The following CHST15 variants were observed in gnomAD, a reference collection of about 807,000 sequenced individuals.
CHST15 encodes the protein carbohydrate sulfotransferase 15.
A neutral mutation model predicts 53.6 loss-of-function variants in CHST15; 30 were observed. That is an observed-to-expected ratio of 0.56 (90% CI 0.42 to 0.76). The LOEUF (loss-of-function observed/expected upper bound fraction) is 0.76, where lower values mean the gene tolerates loss of function less well. CHST15 is among the 30% of genes least tolerant of loss of function. The probability of loss-of-function intolerance (pLI) is 0.00; values close to 1 mark genes in which losing one functional copy is unlikely to be tolerated. For missense variants in CHST15, 627 were observed against 740.5 expected, an observed-to-expected ratio of 0.85 and a Z score of 1.78; for synonymous variants, 296 against 289.8, an observed-to-expected ratio of 1.02 and a Z score of -0.22.
At chr10:124,023,617 T>C (rs1315074464) in intron 5 of CHST15, among the ~76,000 whole-genome samples, 1 of 152,038 alleles carries the variant, frequency 6.6e-6, no homozygotes, top group Non-Finnish European at 1.5e-5. Flanking sequence ...TATGTCCCAC[T>C]CTCTTCTTGC....
intron 1 of CHST15, among the ~76,000 whole-genome samples, chr10:124,067,916 A>G (rs1948798406): frequency 6.6e-6 from 1 of 152,168 alleles, no homozygotes. Context: ...CGCCTGGCCT[A>G]GAAACAGAAG....
At chr10:124,070,560 A>G (rs115387532) in intron 1 of CHST15, among the ~76,000 whole-genome samples, 5,265 of 152,138 alleles carry the variant, frequency 0.035, 299 homozygotes, top group African/African-American at 0.12. Context: ...TTTTTTAAAT[A>G]GAAACGGGGT....
intron 1 of CHST15, among the ~76,000 whole-genome samples, chr10:124,076,365 C>T (rs902021545): frequency 2.2e-4 from 34 of 152,182 alleles, no homozygotes; most frequent in African/African-American, 7.0e-4. Flanking sequence ...ATTCCCGATG[C>T]GTGGAGACTG....
At chr10:124,084,995 C>A (rs943998690) in intron 1 of CHST15, among the ~76,000 whole-genome samples, 21 of 152,186 alleles carry the variant, frequency 1.4e-4, no homozygotes, top group Non-Finnish European at 2.9e-4. Context: ...CCGGGGCAAC[C>A]CTGCTTTCTT....
chr10:124,084,026 G>A (rs1246947239), intron 1 of CHST15, among the ~76,000 whole-genome samples: 1 of 152,202 alleles, frequency 6.6e-6, no homozygotes, highest in Admixed American at 6.5e-5. Context: ...GGGTGCCTAG[G>A]CAGAGAGATG....
chr10:124,092,111 C>T (rs1949619793), intron 1 of CHST15, among the ~76,000 whole-genome samples: 1 of 152,240 alleles, frequency 6.6e-6, no homozygotes, highest in Admixed American at 6.5e-5. Context: ...TCCCTTCGCC[C>T]CGGCGCCTCT....
Position 124,076,861 on chromosome 10 carries a change from C to T in CHST15, c.-513+16608G>A, listed in dbSNP as rs892908128. 3.9e-5 allele frequency among the ~76,000 whole-genome samples: 6 copies of T among 152,272 alleles called. No homozygotes were observed. The South Asian group carries it at 6.2e-4, about 16-fold the overall frequency. On this transcript the variant is annotated intron_variant, in intron 1 of 7. Coordinates refer to ENST00000435907, the MANE Select transcript of CHST15 (RefSeq NM_001270764.2). ...AGGAGCTGGGACTACAGGCGCCTGCCACCACGCCCGGCTACTTTTTTGTAT... is the reference window on the plus strand; with the variant it reads ...AGGAGCTGGGACTACAGGCGCCTGCTACCACGCCCGGCTACTTTTTTGTAT...
chr10:124,058,758 G>C (rs751334045), intron 1 of CHST15, among the ~76,000 whole-genome samples: 14 of 152,322 alleles, frequency 9.2e-5, no homozygotes, highest in Non-Finnish European at 1.8e-4. Flanking sequence ...AAATTAAAGA[G>C]TCAGGGAACA....
chr10:124,023,966 C>G (rs945869091), intron 5 of CHST15, among the ~76,000 whole-genome samples: 2 of 152,070 alleles, frequency 1.3e-5, no homozygotes, highest in Non-Finnish European at 2.9e-5. Flanking sequence ...GCTTCAGCCT[C>G]CTGAGTAGCT....
intron 6 of CHST15, among the ~76,000 whole-genome samples, chr10:124,014,701 C>G (rs1463701299): frequency 1.3e-5 from 2 of 152,140 alleles, no homozygotes; most frequent in African/African-American, 4.8e-5. Flanking sequence ...TTTTTCTTTT[C>G]CAGAGGACGT....
chr10:124,033,232 AAAG>A (rs1196193897), intron 5 of CHST15, among the ~76,000 whole-genome samples: 1 of 152,276 alleles, frequency 6.6e-6, no homozygotes, highest in Non-Finnish European at 1.5e-5. Context: ...GGGCTTCGAA[AAAG>A]AAGAAATTCC....
At position 124,046,315 on chromosome 10, in the gene CHST15, G is replaced by A. The variant is rs1948005108; in HGVS notation, c.-103C>T. On this transcript the variant is annotated 5_prime_UTR_variant, in exon 2 of 8. Coordinates refer to ENST00000435907, the MANE Select transcript of CHST15 (RefSeq NM_001270764.2). ...TGCTAGAAAACCTTAAGAATGCCTT[G>A]TGATCACAGAAGATGGATGGAAAGC... The A allele has an allele frequency of 2.8e-6, 3 of 1,089,518 alleles. No individual in the cohort carries two copies. Among genetic ancestry groups the A allele is most frequent in the East Asian group, 2.5e-5 (1 of 40,376 alleles). 67.5% of individuals were successfully genotyped at this position (1,089,518 alleles called of 1,614,324 possible). A position where few individuals can be genotyped will look rare whatever the true frequency, so the allele number is the denominator to read the frequency against.
In CHST15 at chr10:124,035,288, T is replaced by TACCCCTGATAGGTACCCCGGCTCC. The variant is rs1564869523; in HGVS notation, c.1190+3203_1190+3226dup. On this transcript the variant is annotated intron_variant, in intron 5 of 7. Coordinates refer to ENST00000435907, the MANE Select transcript of CHST15 (RefSeq NM_001270764.2). ...CCACCCCTAACAGGGACCCTGGCTC[T>TACCCCTGATAGGTACCCCGGCTCC]ACCCCTGATAGGTACCCCGGCTCCA... Among the ~76,000 whole-genome samples the TACCCCTGATAGGTACCCCGGCTCC allele has an allele frequency of 7.9e-3, 698 of 88,872 alleles. 4 individuals are homozygous for TACCCCTGATAGGTACCCCGGCTCC. The highest frequency in any genetic ancestry group is 0.036 in the Middle Eastern group (3 of 84). The allele number at this position is 88,872 out of a possible 152,430, so 58.3% of individuals were successfully genotyped here.
intron 5 of CHST15, among the ~76,000 whole-genome samples, chr10:124,029,201 T>C (rs1947124474): frequency 6.6e-6 from 1 of 152,236 alleles, no homozygotes; most frequent in Non-Finnish European, 1.5e-5. Context: ...CCATTTAATG[T>C]AGCTGAGACG....
At chr10:124,013,495 C>T (rs1946483959) in intron 6 of CHST15, among the ~76,000 whole-genome samples, 1 of 152,224 alleles carries the variant, frequency 6.6e-6, no homozygotes, top group African/African-American at 2.4e-5. Flanking sequence ...CCCTGCACTT[C>T]CTCTCCCTTG....
In CHST15 at chr10:124,008,052, G is replaced by C. The variant is rs769032012; in HGVS notation, c.*2097C>G. 1 of 1,231,942 alleles carries C rather than the reference G, an allele frequency of 8.1e-7. No individual in the cohort carries two copies. Among genetic ancestry groups the C allele is most frequent in the African/African-American group, 1.6e-5 (1 of 64,368 alleles). The allele number at this position is 1,231,942 out of a possible 1,614,324, so 76.3% of individuals were successfully genotyped here. The stretch of plus-strand genomic sequence containing the variant: ...TGAGTGGCACAGAAGGGATGGGACT[G>C]CATATATAAAAAAGATCCGCATAAT... On this transcript the variant is annotated 3_prime_UTR_variant, in exon 8 of 8. Transcript: ENST00000435907.
At chr10:124,078,891 A>G (rs1949155910) in intron 1 of CHST15, among the ~76,000 whole-genome samples, 1 of 152,208 alleles carries the variant, frequency 6.6e-6, no homozygotes, top group African/African-American at 2.4e-5. Flanking sequence ...AGCTGAGTGA[A>G]GGGTACACAG....
At chr10:124,062,814 G>C (rs917363877) in intron 1 of CHST15, among the ~76,000 whole-genome samples, 1 of 152,128 alleles carries the variant, frequency 6.6e-6, no homozygotes, top group Non-Finnish European at 1.5e-5. Flanking sequence ...CTGCAAGTAA[G>C]AGGCAGGGCT....
chr10:124,048,099 G>A (rs1401649783), intron 1 of CHST15, among the ~76,000 whole-genome samples: 3 of 152,234 alleles, frequency 2.0e-5, no homozygotes, highest in African/African-American at 7.2e-5. Context: ...AAATATGGTG[G>A]CCAAGAAACA....
Sources: gnomAD v4.1 joint callset for allele counts (sites outside exome capture counted in the v4.1 genomes callset) on GRCh38, gnomAD v4.1.1 for gene constraint, MANE v1.5 for transcripts, NCBI Gene and HGNC (gene_info 2026-07-23, HGNC 2026-07-21) for gene names.